The following ARB2A variants were observed in gnomAD, a reference collection of about 807,000 sequenced individuals.
ARB2A encodes cotranscriptional regulator ARB2A.
At chr5:94,053,162 C>A in the ARB2A span, 1 of 1,600,146 alleles carries the variant, frequency 6.2e-7, no homozygotes, top group Non-Finnish European at 8.5e-7. Flanking sequence ...TCCAGGGTAT[C>A]AGGAAAATCA....
the ARB2A span, among the ~76,000 whole-genome samples, chr5:93,938,430 A>T: frequency 6.6e-6 from 1 of 152,234 alleles, no homozygotes; most frequent in African/African-American, 2.4e-5. Context: ...TATAGTATTG[A>T]CTATCTCAAA....
chr5:93,743,045 T>G, the ARB2A span: 2 of 152,208 alleles, frequency 1.3e-5, no homozygotes, highest in South Asian at 4.1e-4. Context: ...ACATCTGAAG[T>G]CTACCATCTC....
chr5:93,749,032 A>G, the ARB2A span, among the ~76,000 whole-genome samples: 2 of 150,994 alleles, frequency 1.3e-5, no homozygotes, highest in African/African-American at 4.9e-5. Context: ...TTCATTTAAC[A>G]TGAGAGTTTT....
chr5:93,861,461 A>G, the ARB2A span: 1 of 152,194 alleles, frequency 6.6e-6, no homozygotes, highest in Non-Finnish European at 1.5e-5. Flanking sequence ...TGTGGAATCT[A>G]GCATAGTCCT....
the ARB2A span, among the ~76,000 whole-genome samples, chr5:93,964,980 G>A: frequency 6.6e-6 from 1 of 152,000 alleles, no homozygotes; most frequent in African/African-American, 2.4e-5. Flanking sequence ...AACTCATCCA[G>A]AAAGTCAGGG....
the ARB2A span, among the ~76,000 whole-genome samples, chr5:93,951,371 G>A: frequency 1.3e-5 from 2 of 152,034 alleles, no homozygotes; most frequent in Admixed American, 6.5e-5. Context: ...GGTTGCCTGC[G>A]CTTATGGGGT....
the ARB2A span, among the ~76,000 whole-genome samples, chr5:93,916,756 G>A: frequency 1.3e-5 from 2 of 152,038 alleles, no homozygotes; most frequent in Non-Finnish European, 2.9e-5. Flanking sequence ...TCCATACAAT[G>A]GGTGCTTTGT....
the ARB2A span, among the ~76,000 whole-genome samples, chr5:93,760,502 T>A: frequency 6.6e-6 from 1 of 152,218 alleles, no homozygotes; most frequent in Non-Finnish European, 1.5e-5. Context: ...TTTCAAACTA[T>A]AGTATAAGGT....
At chr5:93,718,686 TAAC>T in the ARB2A span, among the ~76,000 whole-genome samples, 74 of 152,160 alleles carry the variant, frequency 4.9e-4, no homozygotes, top group African/African-American at 1.1e-3. Context: ...TGTCTAATTG[TAAC>T]AACAACAACA....
the ARB2A span, among the ~76,000 whole-genome samples, chr5:93,677,403 T>G: frequency 2.6e-5 from 4 of 152,228 alleles, no homozygotes; most frequent in African/African-American, 9.6e-5. Context: ...CAAGCTTCTC[T>G]GAACTTTGTA....
At chr5:93,990,457 A>G in the ARB2A span, among the ~76,000 whole-genome samples, 2 of 152,074 alleles carry the variant, frequency 1.3e-5, no homozygotes, top group Non-Finnish European at 2.9e-5. Flanking sequence ...TTGAGCTAGA[A>G]AGAGACTATT....
the ARB2A span, among the ~76,000 whole-genome samples, chr5:94,068,041 C>T: frequency 1.9e-4 from 29 of 152,246 alleles, no homozygotes; most frequent in African/African-American, 6.3e-4. Context: ...CCGAAGTGTG[C>T]GGATCACTTT....
At chr5:93,805,109 A>G in the ARB2A span, 2 of 975,820 alleles carry the variant, frequency 2.0e-6, no homozygotes, top group Non-Finnish European at 2.4e-6. Context: ...GTTATTAGAA[A>G]TTCTCAGATT....
the ARB2A span, among the ~76,000 whole-genome samples, chr5:93,832,716 T>G: frequency 1.6e-4 from 24 of 152,280 alleles, no homozygotes; most frequent in Non-Finnish European, 3.1e-4. Context: ...AGCTGAGGGC[T>G]TTGTTGTGAC....
the ARB2A span, among the ~76,000 whole-genome samples, chr5:93,625,195 A>G: frequency 1.3e-5 from 2 of 152,132 alleles, no homozygotes; most frequent in Non-Finnish European, 2.9e-5. Context: ...ATTGAAATCC[A>G]TATTATTTTA....
At chr5:93,690,481 A>G in the ARB2A span, among the ~76,000 whole-genome samples, 1 of 152,114 alleles carries the variant, frequency 6.6e-6, no homozygotes, top group Non-Finnish European at 1.5e-5. Flanking sequence ...AGCAAAGCTG[A>G]GGTAGCCAGA....
the ARB2A span, among the ~76,000 whole-genome samples, chr5:93,909,476 A>G: frequency 6.6e-6 from 1 of 151,046 alleles, no homozygotes; most frequent in African/African-American, 2.4e-5. Flanking sequence ...TATTATATCT[A>G]CAGAGCATTA....
the ARB2A span, among the ~76,000 whole-genome samples, chr5:93,828,422 T>C: frequency 6.6e-6 from 1 of 152,200 alleles, no homozygotes; most frequent in African/African-American, 2.4e-5. Context: ...AGAATGCTTG[T>C]GATTTTCATC....
the ARB2A span, among the ~76,000 whole-genome samples, chr5:93,836,296 G>T: frequency 3.7e-4 from 56 of 152,174 alleles, no homozygotes; most frequent in Non-Finnish European, 6.3e-4. Context: ...CAAAGTGCTA[G>T]GATTACAGGC....
Sources: allele counts gnomAD v4.1 joint callset (sites outside exome capture counted in the v4.1 genomes callset), GRCh38; gene constraint gnomAD v4.1.1; transcripts MANE v1.5; gene names NCBI Gene and HGNC (gene_info 2026-07-23, HGNC 2026-07-21).